BTRC: variants seen among roughly 807,000 people sequenced by gnomAD.
The protein encoded by BTRC is F-box/WD repeat-containing protein 1A.
Under a neutral mutation model 85.5 loss-of-function variants are expected in BTRC, and 42 were observed. The ratio of observed to expected loss-of-function variants is 0.49; its 90% CI spans 0.38 to 0.64. The LOEUF is 0.64. BTRC is among the 30% of genes least tolerant of loss of function. BTRC has a pLI of 0.00. For missense variants in BTRC, 594 were observed against 743.5 expected (o/e 0.80, Z 2.34); for synonymous variants, 255 against 263.3 (o/e 0.97, Z 0.30).
rs189101984 is a variant in BTRC, at chr10:101,404,130, A to G, written c.49-26215A>G. ...ACTGCAAGCTCCGCCTACCGGGTTC[A>G]CGCCATTCTCCTGCCTCAGCCTCTC... On this transcript the variant is annotated intron_variant, in intron 1 of 14. Transcript: ENST00000370187. 1.2e-4 allele frequency among the ~76,000 whole-genome samples: 17 copies of G among 144,180 alleles called. No homozygotes were observed. The East Asian group carries it at 3.7e-3, about 32-fold the overall frequency. The allele number at this position is 144,180 out of a possible 152,430, so 94.6% of individuals were successfully genotyped here.
At chr10:101,485,688 C>T (rs1248009494) in intron 4 of BTRC, among the ~76,000 whole-genome samples, 1 of 152,028 alleles carries the variant, frequency 6.6e-6, no homozygotes, top group Non-Finnish European at 1.5e-5. Context: ...TGTTGGGAAC[C>T]ACTGATATAT....
At chr10:101,402,232 A>G (rs1943511253) in intron 1 of BTRC, among the ~76,000 whole-genome samples, 1 of 152,202 alleles carries the variant, frequency 6.6e-6, no homozygotes, top group African/African-American at 2.4e-5. Flanking sequence ...TATTTACACA[A>G]TTCACTGGAA....
chr10:101,521,062 G>A (rs2062097267), intron 4 of BTRC, among the ~76,000 whole-genome samples: 1 of 152,072 alleles, frequency 6.6e-6, no homozygotes, highest in Admixed American at 6.5e-5. Flanking sequence ...GAAGCCAGGA[G>A]TTTGAGACCA....
chr10:101,438,374 G>A (rs1390452359), intron 2 of BTRC, among the ~76,000 whole-genome samples: 3 of 127,220 alleles, frequency 2.4e-5, no homozygotes, highest in Non-Finnish European at 4.6e-5. Flanking sequence ...GCAGTGAGCC[G>A]AGATCGCGCC....
intron 1 of BTRC, among the ~76,000 whole-genome samples, chr10:101,404,014 A>G (rs1346584146): frequency 0.015 from 459 of 29,762 alleles, 31 homozygotes; most frequent in African/African-American, 0.019. Flanking sequence ...ATATATATAT[A>G]TATATATATA....
intron 4 of BTRC, among the ~76,000 whole-genome samples, chr10:101,521,127 C>G (rs187155139): frequency 6.6e-6 from 1 of 152,016 alleles, no homozygotes; most frequent in Non-Finnish European, 1.5e-5. Flanking sequence ...TAAAAATTAG[C>G]AGGACATGAT....
At chr10:101,449,325 A>G (rs1482832985) in intron 2 of BTRC, among the ~76,000 whole-genome samples, 1 of 152,078 alleles carries the variant, frequency 6.6e-6, no homozygotes, top group Non-Finnish European at 1.5e-5. Flanking sequence ...AAAAAAATTC[A>G]TCAGAGAGAA....
At chr10:101,546,609 G>A (rs1190760829) in intron 13 of BTRC, among the ~76,000 whole-genome samples, 2 of 152,084 alleles carry the variant, frequency 1.3e-5, no homozygotes, top group Non-Finnish European at 2.9e-5. Context: ...AAAATCAATA[G>A]TCTAAGCTTC....
chr10:101,477,665 T>C (rs536570445), intron 3 of BTRC, among the ~76,000 whole-genome samples: 20 of 152,226 alleles, frequency 1.3e-4, no homozygotes, highest in African/African-American at 4.3e-4. Flanking sequence ...TCTTTTTTAT[T>C]TGGAGACAAT....
chr10:101,531,433 C>A, intron 7 of BTRC, 100 bp downstream of exon 7: 1 of 908,860 alleles, frequency 1.1e-6, no homozygotes, highest in Non-Finnish European at 1.7e-6. Flanking sequence ...GGTTTATTGA[C>A]ATGAGTTGGG....
intron 2 of BTRC, among the ~76,000 whole-genome samples, chr10:101,447,068 G>A (rs766902645): frequency 1.3e-5 from 2 of 152,086 alleles, no homozygotes; most frequent in Non-Finnish European, 1.5e-5. Context: ...GACTTTTTGC[G>A]GGTCAAGGCA....
Position 101,532,510 on chromosome 10 carries a change from C to A in BTRC, c.978+78C>A, listed in dbSNP as rs1417740655. On this transcript the variant is annotated intron_variant, in intron 8 of 14. Coordinates refer to ENST00000370187, the MANE Select transcript of BTRC (RefSeq NM_033637.4). ...TTCATAGCGCAGTCTAAAGCATAAA[C>A]TCTAAGCATTATTTCTAGAAAGTAA... The A allele has an allele frequency of 3.5e-6, 5 of 1,428,844 alleles. No homozygotes were observed. The African/African-American group carries it at 7.2e-5, about 21-fold the overall frequency. 88.5% of individuals were successfully genotyped at this position (1,428,844 alleles called of 1,614,324 possible).
At chr10:101,442,118 G>A (rs4919546) in intron 2 of BTRC, among the ~76,000 whole-genome samples, 5 of 151,910 alleles carry the variant, frequency 3.3e-5, no homozygotes, top group South Asian at 2.1e-4. Context: ...ATAATGTAGC[G>A]GCATATCAGA....
intron 4 of BTRC, among the ~76,000 whole-genome samples, chr10:101,482,241 G>A (rs543772670): frequency 6.6e-6 from 1 of 152,076 alleles, no homozygotes; most frequent in Non-Finnish European, 1.5e-5. Context: ...GGCTGGTCTC[G>A]AGCTTCTGAC....
At chr10:101,425,731 G>C (rs772793762) in intron 1 of BTRC, among the ~76,000 whole-genome samples, 1 of 151,382 alleles carries the variant, frequency 6.6e-6, no homozygotes, top group Non-Finnish European at 1.5e-5. Flanking sequence ...GATTGCTTAA[G>C]TCCAGGAGGT....
chr10:101,389,029 C>T (rs191368577), intron 1 of BTRC, among the ~76,000 whole-genome samples: 18 of 150,244 alleles, frequency 1.2e-4, no homozygotes, highest in African/African-American at 4.4e-4. Context: ...GGCTAATAGT[C>T]TCTAACCCAT....
intron 1 of BTRC, among the ~76,000 whole-genome samples, chr10:101,356,247 C>T: frequency 6.6e-6 from 1 of 152,184 alleles, no homozygotes; most frequent in Non-Finnish European, 1.5e-5. Flanking sequence ...GATCCGCCCA[C>T]CTTGGCCTCC....
intron 1 of BTRC, among the ~76,000 whole-genome samples, chr10:101,415,503 T>TGAG (rs1564758175): frequency 2.5e-4 from 1 of 4,022 alleles, no homozygotes; most frequent in Non-Finnish European, 3.1e-3. Flanking sequence ...TATGTTATGT[T>TGAG]ATGTTATGTT....
chr10:101,539,397 G>A (rs2062433902), intron 13 of BTRC, among the ~76,000 whole-genome samples: 1 of 152,190 alleles, frequency 6.6e-6, no homozygotes, highest in Non-Finnish European at 1.5e-5. Flanking sequence ...TCTTGGCTCT[G>A]GAGAAGAGAA....
Sources: allele counts gnomAD v4.1 joint callset (sites outside exome capture counted in the v4.1 genomes callset), GRCh38; gene constraint gnomAD v4.1.1; transcripts MANE v1.5; gene names NCBI Gene and HGNC (gene_info 2026-07-23, HGNC 2026-07-21).